Variants in MOBP observed in about 807,000 individuals in gnomAD.
The protein encoded by MOBP is myelin-associated oligodendrocyte basic protein.
In MOBP, 5 loss-of-function variants were observed where a neutral mutation model predicts 15.0. The observed-to-expected ratio is 0.33, with a 90% CI of 0.17 to 0.70. The LOEUF is 0.70. Ranked by LOEUF, MOBP falls within the 30% of genes least tolerant of loss-of-function variation. The pLI is 0.67. For synonymous variants in MOBP, 88 were observed against 99.0 expected (o/e 0.89, Z 0.66); for missense variants, 188 against 257.8 (o/e 0.73, Z 1.85).
chr3:39,519,785 G>C (rs1377795904), downstream of MOBP, among the ~76,000 whole-genome samples: 2 of 152,012 alleles, frequency 1.3e-5, no homozygotes, highest in Non-Finnish European at 2.9e-5. Flanking sequence ...TGCCTCAGTA[G>C]GTAGGGGCTG....
At chr3:39,518,211 T>C (rs1242584619), downstream of MOBP, among the ~76,000 whole-genome samples, 1 of 152,176 alleles carries the variant, frequency 6.6e-6, no homozygotes, top group Non-Finnish European at 1.5e-5. Flanking sequence ...GGTGGGCTCC[T>C]CCCTAGAACC....
chr3:39,470,382 C>T (rs1440472109), intron 1 of MOBP, among the ~76,000 whole-genome samples: 1 of 152,172 alleles, frequency 6.6e-6, no homozygotes, highest in Admixed American at 6.5e-5. Context: ...TAAAACAAGT[C>T]TTCTCAACAA....
downstream of MOBP, chr3:39,525,667 T>C (rs564066357): frequency 6.6e-6 from 1 of 152,560 alleles, no homozygotes; most frequent in African/African-American, 2.4e-5. Context: ...AGATGAAGTC[T>C]TGTTCAGGGT....
chr3:39,481,897 A>G (rs931380795), intron 2 of MOBP, among the ~76,000 whole-genome samples: 1 of 152,142 alleles, frequency 6.6e-6, no homozygotes, highest in Non-Finnish European at 1.5e-5. Context: ...GATTCCTATG[A>G]TGTCACATGC....
downstream of MOBP, among the ~76,000 whole-genome samples, chr3:39,518,633 G>A (rs1170937679): frequency 6.6e-6 from 1 of 152,096 alleles, no homozygotes; most frequent in East Asian, 1.9e-4. Flanking sequence ...TCAGGTGGTG[G>A]CCCATGCTAC....
intron 3 of MOBP, among the ~76,000 whole-genome samples, chr3:39,523,445 T>A (rs533877863): frequency 1.3e-5 from 2 of 152,378 alleles, no homozygotes; most frequent in South Asian, 2.1e-4. Flanking sequence ...TTGGAATTTC[T>A]ATCAGAATTG....
intron 1 of MOBP, among the ~76,000 whole-genome samples, chr3:39,468,263 G>A (rs1211198615): frequency 6.6e-6 from 1 of 152,064 alleles, no homozygotes; most frequent in Non-Finnish European, 1.5e-5. Flanking sequence ...AACCTTAAAT[G>A]GAAAGGCGCT....
chr3:39,503,958 A>C (rs1477424545), downstream of MOBP, among the ~76,000 whole-genome samples: 1 of 152,130 alleles, frequency 6.6e-6, no homozygotes, highest in African/African-American at 2.4e-5. Context: ...CTTTTTAGTA[A>C]GCATTCACCC....
At position 39,502,857 on chromosome 3, in the gene MOBP, G is replaced by C; in HGVS notation, c.529G>C (p.Val177Leu). The part of the protein sequence containing the change: ...GPGASRGGSP[V>L]KASRFW ...AGGCGCCAGCCGTGGGGGGTCCCCC[G>C]TCAAAGCTTCTAGGTTCTGGTAACA... The change falls in exon 4 of 4, where the codon GTC (valine) becomes CTC (leucine). Residue 177 changes from valine to leucine, a missense_variant. Around this residue, in one of 2 missense-constraint regions of MOBP, gnomAD observed 55 missense variants for 45.2 expected, o/e 1.22. Transcript: ENST00000684792. The surrounding 1 kb of genome is among the most constrained non-coding windows in gnomAD (Gnocchi z 6.3). The C allele has an allele frequency of 7.1e-7, 1 of 1,415,428 alleles. No individual in the cohort carries two copies. The highest frequency in any genetic ancestry group is 9.5e-7 in the Non-Finnish European group (1 of 1,050,046). 87.7% of individuals were successfully genotyped at this position (1,415,428 alleles called of 1,614,324 possible).
At chr3:39,496,261 C>T (rs1289858808) in intron 2 of MOBP, among the ~76,000 whole-genome samples, 12 of 144,428 alleles carry the variant, frequency 8.3e-5, no homozygotes, top group Admixed American at 4.1e-4. Flanking sequence ...TGCAGTGGCC[C>T]GATCTCGGCT....
chr3:39,512,201 A>G (rs2043128766), intron 4 of MOBP, among the ~76,000 whole-genome samples: 1 of 152,180 alleles, frequency 6.6e-6, no homozygotes, highest in African/African-American at 2.4e-5. Flanking sequence ...TGCTAGTAAA[A>G]TGCCAATTAG....
intron 1 of MOBP, among the ~76,000 whole-genome samples, chr3:39,469,404 GGAATTAATTAAA>G (rs2042435564): frequency 6.7e-6 from 1 of 149,760 alleles, no homozygotes; most frequent in Non-Finnish European, 1.5e-5. Context: ...TATTTTAATT[GGAATTAATTAAA>G]ATTTATTTTA....
intron 1 of MOBP, among the ~76,000 whole-genome samples, chr3:39,472,912 T>G (rs1205503578): frequency 6.7e-6 from 1 of 150,362 alleles, no homozygotes; most frequent in Non-Finnish European, 1.5e-5. Flanking sequence ...GGTGACTGTC[T>G]CGAAAAGAAG....
At chr3:39,481,236 T>C (rs1166632173) in intron 2 of MOBP, among the ~76,000 whole-genome samples, 3 of 152,200 alleles carry the variant, frequency 2.0e-5, no homozygotes, top group Non-Finnish European at 4.4e-5. Flanking sequence ...TCAACTAGAC[T>C]CCCAAAACTG....
At chr3:39,481,363 G>A (rs552722122) in intron 2 of MOBP, among the ~76,000 whole-genome samples, 1 of 152,278 alleles carries the variant, frequency 6.6e-6, no homozygotes, top group South Asian at 2.1e-4. Flanking sequence ...ATTAGACGGA[G>A]ACTTCATACT....
At chr3:39,510,974 A>G (rs1236231602) in intron 4 of MOBP, among the ~76,000 whole-genome samples, 2 of 152,206 alleles carry the variant, frequency 1.3e-5, no homozygotes, top group Admixed American at 1.3e-4. Flanking sequence ...CTTTCTTTAT[A>G]TCCTTATTTC....
intron 1 of MOBP, among the ~76,000 whole-genome samples, chr3:39,478,115 G>A (rs1016526139): frequency 5.3e-5 from 8 of 152,060 alleles, no homozygotes; most frequent in African/African-American, 1.4e-4. Flanking sequence ...AATGTCCTAG[G>A]CCTTCACATT....
intron 3 of MOBP, among the ~76,000 whole-genome samples, chr3:39,523,815 T>C (rs911078143): frequency 6.6e-6 from 1 of 152,180 alleles, no homozygotes; most frequent in Non-Finnish European, 1.5e-5. Flanking sequence ...TAACAAAAAC[T>C]GGGCTGAGAC....
intron 1 of MOBP, among the ~76,000 whole-genome samples, chr3:39,479,781 T>A (rs557388365): frequency 2.7e-4 from 41 of 151,804 alleles, no homozygotes; most frequent in South Asian, 2.1e-3. Flanking sequence ...ATTTTCTATA[T>A]AATGACAGTG....
Sources: allele counts gnomAD v4.1 joint callset (sites outside exome capture counted in the v4.1 genomes callset), GRCh38; gene constraint gnomAD v4.1.1; regional missense constraint gnomAD v4.1.1; non-coding constraint Gnocchi (gnomAD v3.1); transcripts MANE v1.5; gene names NCBI Gene and HGNC (gene_info 2026-07-23, HGNC 2026-07-21).